LIPA: variants seen among roughly 807,000 people sequenced by gnomAD.
The protein encoded by LIPA is lysosomal acid lipase/cholesteryl ester hydrolase.
In LIPA, 26 loss-of-function variants were observed where a neutral mutation model predicts 40.6. The observed-to-expected ratio is 0.64, with a 90% CI of 0.47 to 0.89. The LOEUF (loss-of-function observed/expected upper bound fraction) is 0.89, where lower values mean the gene tolerates loss of function less well. Ranked by LOEUF, LIPA falls within the 40% of genes least tolerant of loss-of-function variation. LIPA has a pLI of 0.00. For missense variants in LIPA, 455 were observed against 479.6 expected, an observed-to-expected ratio of 0.95 and a Z score of 0.48; for synonymous variants, 188 against 168.4, an observed-to-expected ratio of 1.12 and a Z score of -0.90.
rs1844519150 is a variant in LIPA at position 89,405,744 on chromosome 10, T to C, written c.61+7047A>G. 3 of 152,380 alleles carry C rather than the reference T, an allele frequency of 2.0e-5. No homozygotes were observed. The South Asian group carries it at 6.2e-4, about 32-fold the overall frequency. 9.4% of individuals were successfully genotyped at this position (152,380 alleles called of 1,614,324 possible). ...TTCTCTCCTCTGACTCTTTTGCCTC[T>C]TTCTTCTAAGGACGCACCAGGTCCA... On this transcript the variant is annotated intron_variant, in intron 2 of 8. Transcript: ENST00000371837.
At chr10:89,339,824 A>G (rs1564793626) in intron 1 of LIPA, 2 of 1,614,230 alleles carry the variant, frequency 1.2e-6, no homozygotes, top group Admixed American at 1.7e-5. Context: ...TCCATAAGCA[A>G]AAAATCAACT....
At chr10:89,227,960 T>C (rs763985511) in intron 4 of LIPA, among the ~76,000 whole-genome samples, 14 of 152,340 alleles carry the variant, frequency 9.2e-5, no homozygotes, top group Middle Eastern at 6.8e-3. Flanking sequence ...CCACCAGAAA[T>C]GCCGAAGTAA....
At chr10:89,334,016 G>C (rs1255083309) in intron 1 of LIPA, among the ~76,000 whole-genome samples, 2 of 152,242 alleles carry the variant, frequency 1.3e-5, no homozygotes, top group East Asian at 3.8e-4. Context: ...AGGTCTGCCA[G>C]TTCCTTCACG....
At chr10:89,402,028 C>T (rs1249043601) in intron 2 of LIPA, among the ~76,000 whole-genome samples, 1 of 152,168 alleles carries the variant, frequency 6.6e-6, no homozygotes, top group Non-Finnish European at 1.5e-5. Flanking sequence ...TAAATACTAT[C>T]ATTATCTCCA....
chr10:89,370,143 T>C (rs1042724826), intron 2 of LIPA, among the ~76,000 whole-genome samples: 1 of 152,242 alleles, frequency 6.6e-6, no homozygotes, highest in Non-Finnish European at 1.5e-5. Context: ...GTTCTTCAGA[T>C]GCACTAGTTA....
chr10:89,252,365 C>T (rs1235366598), upstream of LIPA, among the ~76,000 whole-genome samples: 1 of 152,158 alleles, frequency 6.6e-6, no homozygotes, highest in African/African-American at 2.4e-5. Context: ...ATTAGTAAGA[C>T]AGTGGAGGTA....
intron 1 of LIPA, among the ~76,000 whole-genome samples, chr10:89,336,639 T>C (rs2133559425): frequency 6.6e-6 from 1 of 152,360 alleles, no homozygotes; most frequent in Admixed American, 6.5e-5. Flanking sequence ...CTGAGATTAC[T>C]TTTTCAGTGG....
intron 2 of LIPA, among the ~76,000 whole-genome samples, chr10:89,379,602 G>A (rs1844147054): frequency 6.6e-6 from 1 of 152,164 alleles, no homozygotes; most frequent in African/African-American, 2.4e-5. Context: ...TACAGAAAAA[G>A]GGGCTGCTCT....
chr10:89,251,126 G>A (rs1479681694), intron 1 of LIPA, among the ~76,000 whole-genome samples: 3 of 152,274 alleles, frequency 2.0e-5, no homozygotes, highest in South Asian at 2.1e-4. Context: ...AAGCTCTTGC[G>A]AGGCGCCAGC....
chr10:89,214,668 G>A lies in LIPA; in HGVS notation c.*160C>T. On this transcript the variant is annotated 3_prime_UTR_variant, in exon 10 of 10. Transcript: ENST00000336233. ...AAAAATAGCTAGTATGTTTCTAATT[G>A]AAACTAGAGTGAACTGGGCATCTTC... is the stretch of plus-strand genomic sequence containing the variant. 1 of 606,450 alleles carries A rather than the reference G, an allele frequency of 1.6e-6. No homozygotes were observed. The allele number at this position is 606,450 out of a possible 1,614,324, so 37.6% of individuals were successfully genotyped here. A position where few individuals can be genotyped will look rare whatever the true frequency, so the allele number is the denominator to read the frequency against.
At chr10:89,224,178 T>C (rs1249505897) in intron 6 of LIPA, among the ~76,000 whole-genome samples, 1 of 152,258 alleles carries the variant, frequency 6.6e-6, no homozygotes, top group Non-Finnish European at 1.5e-5. Context: ...TGGTTACTTC[T>C]AAGAAACAGT....
chr10:89,360,950 C>G lies in LIPA; in HGVS notation c.61+51841G>C, dbSNP rs568697195. ...CTTGCCTCCTCTTAGGTGCCATGCT[C>G]TCTCTTCACATGGCATCCTTCCTTG... is the stretch of plus-strand genomic sequence containing the variant. On this transcript the variant is annotated intron_variant, in intron 2 of 8. Coordinates refer to the LIPA transcript ENST00000371837. 3.3e-5 allele frequency among the ~76,000 whole-genome samples: 5 copies of G among 152,288 alleles called. No homozygotes were observed. The South Asian group carries it at 1.0e-3, about 32-fold the overall frequency.
At chr10:89,236,512 A>G (rs755363547) in intron 3 of LIPA, among the ~76,000 whole-genome samples, 1 of 152,256 alleles carries the variant, frequency 6.6e-6, no homozygotes, top group Non-Finnish European at 1.5e-5. Flanking sequence ...CATACAAAGA[A>G]CTAATAGTGA....
chr10:89,273,619 A>G (rs1040730346), intron 1 of LIPA, among the ~76,000 whole-genome samples: 2 of 152,224 alleles, frequency 1.3e-5, no homozygotes, highest in African/African-American at 4.8e-5. Flanking sequence ...CCTGCTAGGG[A>G]AAGAAGAATC....
chr10:89,287,966 C>G (rs572752934), intron 1 of LIPA, among the ~76,000 whole-genome samples: 1 of 152,196 alleles, frequency 6.6e-6, no homozygotes, highest in African/African-American at 2.4e-5. Context: ...AACATGCTTT[C>G]TTTACTATTC....
chr10:89,369,117 A>G (rs1844078141), intron 2 of LIPA, among the ~76,000 whole-genome samples: 1 of 152,194 alleles, frequency 6.6e-6, no homozygotes, highest in African/African-American at 2.4e-5. Context: ...GTCTACGGCA[A>G]AGGAAAAACT....
At chr10:89,355,838 G>A (rs548536786) in intron 2 of LIPA, among the ~76,000 whole-genome samples, 32 of 152,150 alleles carry the variant, frequency 2.1e-4, no homozygotes, top group Non-Finnish European at 3.8e-4. Flanking sequence ...TCAGCGCCAT[G>A]GCATTTTGCC....
intron 2 of LIPA, chr10:89,412,780 C>T (rs768600437): frequency 3.1e-5 from 13 of 423,588 alleles, no homozygotes; most frequent in Non-Finnish European, 4.7e-5. Context: ...TCAGCAAGAC[C>T]ACGAACTCAC....
chr10:89,361,961 T>A (rs781511910), intron 2 of LIPA, among the ~76,000 whole-genome samples: 19 of 130,484 alleles, frequency 1.5e-4, no homozygotes, highest in Non-Finnish European at 2.5e-4. Context: ...GGCAGTGGTA[T>A]GATCACAGCT....
Sources: allele counts gnomAD v4.1 joint callset (sites outside exome capture counted in the v4.1 genomes callset), GRCh38; gene constraint gnomAD v4.1.1; transcripts MANE v1.5; gene names NCBI Gene and HGNC (gene_info 2026-07-23, HGNC 2026-07-21).